The following CNTN6 variants were observed in gnomAD, a reference collection of about 807,000 sequenced individuals.
CNTN6 encodes the protein contactin-6.
CNTN6 carries 137 observed loss-of-function variants against 122.8 expected under a neutral mutation model. The ratio of observed to expected loss-of-function variants is 1.12; its 90% CI spans 0.97 to 1.29. The LOEUF is 1.29. Among genes scored for constraint, CNTN6 ranks in the 50% most tolerant of loss-of-function variants. The probability of loss-of-function intolerance (pLI) is 0.00; values close to 1 mark genes in which losing one functional copy is unlikely to be tolerated. For synonymous variants in CNTN6, 570 were observed against 426.0 expected, an observed-to-expected ratio of 1.34 and a Z score of -4.16; for missense variants, 1,634 against 1,223.4, an observed-to-expected ratio of 1.34 and a Z score of -5.01.
At chr3:1,183,551 C>A (rs1433564546) in intron 2 of CNTN6, among the ~76,000 whole-genome samples, 1 of 151,644 alleles carries the variant, frequency 6.6e-6, no homozygotes, top group African/African-American at 2.4e-5. Context: ...TAATCCTTGG[C>A]ATTACTTATT....
intron 11 of CNTN6, among the ~76,000 whole-genome samples, chr3:1,333,057 T>C (rs1045737442): frequency 6.6e-6 from 1 of 152,038 alleles, no homozygotes; most frequent in African/African-American, 2.4e-5. Flanking sequence ...TAAAAAAGTT[T>C]ATTTGATTGA....
chr3:1,277,580 C>G (rs1646621363), intron 4 of CNTN6, among the ~76,000 whole-genome samples: 1 of 151,968 alleles, frequency 6.6e-6, no homozygotes, highest in Non-Finnish European at 1.5e-5. Flanking sequence ...AAGCTGGTCT[C>G]AAACTCCTGG....
At position 1,220,743 on chromosome 3, in the gene CNTN6, C is replaced by G. The variant is rs564284522; in HGVS notation, c.112C>G (p.Pro38Ala). The G allele has an allele frequency of 1.1e-5, 17 of 1,612,636 alleles. 1 individual carries two copies. In the South Asian group the frequency reaches 1.6e-4, roughly 16 times the overall value. The change falls in exon 3 of 23, where the codon CCT (proline) becomes GCT (alanine). Residue 38 changes from proline to alanine, a missense_variant. By Grantham distance (27) the Pro-to-Ala change is conservative (BLOSUM62 -1). Transcript: ENST00000446702. ...TCAGGAGCCACATGATGTCATTTTT[C>G]CTTTGGATTTATCAAAATCTGAGGT... ...FTQEPHDVIF[P>A]LDLSKSEVIL...
intron 8 of CNTN6, among the ~76,000 whole-genome samples, chr3:1,323,592 T>G (rs1701151916): frequency 6.6e-6 from 1 of 151,822 alleles, no homozygotes; most frequent in Non-Finnish European, 1.5e-5. Flanking sequence ...TCTGTTATAT[T>G]GCTGTGTTTA....
chr3:1,336,896 GGGAAAGT>G (rs144370173), intron 11 of CNTN6, among the ~76,000 whole-genome samples: 1 of 151,986 alleles, frequency 6.6e-6, no homozygotes, highest in Non-Finnish European at 1.5e-5. Flanking sequence ...AAAGATCGTA[GGGAAAGT>G]GGAAAGTGGA....
intron 2 of CNTN6, among the ~76,000 whole-genome samples, chr3:1,190,349 T>A (rs1350698780): frequency 6.6e-6 from 1 of 152,172 alleles, no homozygotes; most frequent in Non-Finnish European, 1.5e-5. Context: ...TAAGAGCACA[T>A]AACCATTCGG....
chr3:1,262,244 T>C (rs907602412), intron 4 of CNTN6, among the ~76,000 whole-genome samples: 2 of 152,130 alleles, frequency 1.3e-5, no homozygotes, highest in Non-Finnish European at 1.5e-5. Context: ...GCTTATGCAG[T>C]GTTGTGGCTA....
At chr3:1,244,864 A>G (rs1427013364) in intron 4 of CNTN6, among the ~76,000 whole-genome samples, 2 of 134,082 alleles carry the variant, frequency 1.5e-5, no homozygotes, top group Non-Finnish European at 3.2e-5. Flanking sequence ...ATTACAAAGA[A>G]CCTTCTTAAG....
intron 7 of CNTN6, among the ~76,000 whole-genome samples, chr3:1,307,489 T>C (rs1328252917): frequency 6.6e-6 from 1 of 151,816 alleles, no homozygotes; most frequent in African/African-American, 2.4e-5. Context: ...ACACACAATT[T>C]CCCTTGTTAC....
intron 20 of CNTN6, among the ~76,000 whole-genome samples, chr3:1,394,980 C>T (rs9840732): frequency 0.054 from 8,259 of 152,156 alleles, 343 homozygotes; most frequent in African/African-American, 0.12. Context: ...GATTAGCGTT[C>T]CTTTAAGTAT....
intron 1 of CNTN6, among the ~76,000 whole-genome samples, chr3:1,115,069 A>G (rs982713059): frequency 6.6e-6 from 1 of 152,162 alleles, no homozygotes; most frequent in Admixed American, 6.6e-5. Context: ...GCACAATTTC[A>G]GTTTTAAGAC....
intron 12 of CNTN6, among the ~76,000 whole-genome samples, chr3:1,362,993 A>T (rs992774955): frequency 6.6e-6 from 1 of 151,972 alleles, no homozygotes; most frequent in African/African-American, 2.4e-5. Flanking sequence ...TGCGCTAAAG[A>T]CAATACCAAT....
chr3:1,213,107 A>T (rs2094070579), intron 2 of CNTN6, among the ~76,000 whole-genome samples: 1 of 152,168 alleles, frequency 6.6e-6, no homozygotes, highest in African/African-American at 2.4e-5. Flanking sequence ...TTAATTTGGA[A>T]ACTGCTGTAT....
chr3:1,110,485 T>G (rs1485232485), intron 1 of CNTN6, among the ~76,000 whole-genome samples: 2 of 152,102 alleles, frequency 1.3e-5, no homozygotes, highest in East Asian at 3.9e-4. Flanking sequence ...CCTTGGATGG[T>G]GGGCTAGGCA....
At chr3:1,219,747 G>A (rs2094180005) in intron 2 of CNTN6, among the ~76,000 whole-genome samples, 1 of 152,162 alleles carries the variant, frequency 6.6e-6, no homozygotes, top group African/African-American at 2.4e-5. Context: ...CATGCATGGT[G>A]GATCATGCCT....
At chr3:1,139,970 C>G (rs1423777488) in intron 1 of CNTN6, among the ~76,000 whole-genome samples, 1 of 152,142 alleles carries the variant, frequency 6.6e-6, no homozygotes, top group African/African-American at 2.4e-5. Flanking sequence ...TGTTGGTCCT[C>G]AAGGACTCAA....
chr3:1,254,204 C>G (rs528216851), intron 4 of CNTN6, among the ~76,000 whole-genome samples: 8 of 152,090 alleles, frequency 5.3e-5, no homozygotes, highest in Admixed American at 5.2e-4. Flanking sequence ...TCCCTCCCTT[C>G]CCAGAAGTAA....
chr3:1,298,260 C>A, intron 7 of CNTN6: 2 of 317,236 alleles, frequency 6.3e-6, no homozygotes, highest in Non-Finnish European at 5.9e-6. Context: ...CCCATTTAGG[C>A]AGCACATTGC....
intron 2 of CNTN6, among the ~76,000 whole-genome samples, chr3:1,173,610 C>T (rs2125306587): frequency 6.6e-6 from 1 of 152,266 alleles, no homozygotes; most frequent in African/African-American, 2.4e-5. Context: ...CTGTGAGCTT[C>T]TGTTGAGATT....
Sources: allele counts gnomAD v4.1 joint callset (sites outside exome capture counted in the v4.1 genomes callset), GRCh38; gene constraint gnomAD v4.1.1; transcripts MANE v1.5; gene names NCBI Gene and HGNC (gene_info 2026-07-23, HGNC 2026-07-21).